FUT2: variants seen among roughly 807,000 people sequenced by gnomAD.
FUT2 encodes galactoside alpha-(1,2)-fucosyltransferase 2.
For missense variants in FUT2, 419 were observed against 465.8 expected (o/e 0.90, Z 0.93); for synonymous variants, 182 against 193.1 (o/e 0.94, Z 0.48).
chr19:48,697,659 T>C (rs1032066323), intron 1 of FUT2, among the ~76,000 whole-genome samples: 2 of 152,102 alleles, frequency 1.3e-5, no homozygotes, highest in Admixed American at 1.3e-4. Context: ...TTTCCCTTTG[T>C]GCCCACGCAG....
Position 48,703,576 on chromosome 19 carries a change from A to G in FUT2, c.620A>G (p.His207Arg), listed in dbSNP as rs2032571546. ...CATGTTCGCCGAGGGGACTATGTCCATGTCATGCCAAAAGTGTGGAAGGGG... is the reference window on the plus strand; with the variant it reads ...CATGTTCGCCGAGGGGACTATGTCCGTGTCATGCCAAAAGTGTGGAAGGGG... ...GVHVRRGDYV[H>R]VMPKVWKGVV... is the part of the protein sequence containing the mutation. The change falls in exon 2 of 2, where the codon CAT (histidine) becomes CGT (arginine). Residue 207 changes from histidine (H) to arginine (R), a missense_variant. By Grantham distance (29) the His-to-Arg change is conservative. Coordinates refer to ENST00000425340, the MANE Select transcript of FUT2 (RefSeq NM_000511.6). 6.2e-7 allele frequency: 1 copy of G among 1,613,426 alleles called. No individual in the cohort carries two copies. The highest frequency in any genetic ancestry group is 8.5e-7 in the Non-Finnish European group (1 of 1,180,020).
In FUT2 at chr19:48,703,951, G is replaced by A; in HGVS notation, c.995G>A (p.Gly332Glu). The change falls in exon 2 of 2, where the codon GGG (glycine) becomes GAG (glutamate). Residue 332 changes from glycine to glutamate, a missense_variant. Physicochemically the swap from Gly to Glu is moderately conservative, Grantham distance 98. Transcript: ENST00000425340. ...PEAAFLPEWTGIAADLSPLLK... is the reference protein window; with the variant it reads ...PEAAFLPEWTEIAADLSPLLK... ...GCAGCCTTCCTGCCGGAGTGGACAG[G>A]GATTGCCGCAGACCTGTCCCCCTTA... The A allele has an allele frequency of 6.2e-7, 1 of 1,613,466 alleles. No homozygotes were observed. The highest frequency in any genetic ancestry group is 8.5e-7 in the Non-Finnish European group (1 of 1,179,976).
In FUT2 at chr19:48,703,443, G is replaced by T. The variant is rs1290251228; in HGVS notation, c.487G>T (p.Glu163Ter). ...SWTFYHHLRQ[E>*]ILQEFTLHDH... ...GACCTTCTACCACCACCTCCGCCAG[G>T]AGATCCTCCAGGAGTTCACCCTGCA... is the stretch of plus-strand genomic sequence containing the variant. Residue 163 changes from glutamate (E) to a stop codon, truncating the protein, a stop_gained, in exon 2 of 2, where the codon GAG becomes TAG. Transcript: ENST00000425340. LOFTEE classifies it low-confidence loss of function (END_TRUNC). 1 of 1,612,800 alleles carries T rather than the reference G, an allele frequency of 6.2e-7. No individual in the cohort carries two copies. Among genetic ancestry groups the T allele is most frequent in the Non-Finnish European group, 8.5e-7 (1 of 1,179,960 alleles).
Position 48,704,760 on chromosome 19 carries a change from C to T in FUT2, c.*772C>T, listed in dbSNP as rs1022672266. The T allele has an allele frequency of 1.2e-5, 5 of 413,354 alleles. No individual in the cohort carries two copies. Among genetic ancestry groups the T allele is most frequent in the Admixed American group, 4.4e-5 (1 of 22,710 alleles). 25.6% of individuals were successfully genotyped at this position (413,354 alleles called of 1,614,324 possible). The stretch of plus-strand genomic sequence containing the variant: ...CCTTCCAGCAATTTCCCCCCAACTC[C>T]GATGGGTAGGAATTGTCACATACCC... On this transcript the variant is annotated 3_prime_UTR_variant, in exon 2 of 2. Coordinates refer to ENST00000425340, the MANE Select transcript of FUT2 (RefSeq NM_000511.6).
rs370139701 is a variant in FUT2 at position 48,703,150 on chromosome 19, C to A, written c.194C>A (p.Thr65Lys). The change falls in exon 2 of 2, where the codon ACG becomes AAG. Residue 65 changes from threonine to lysine, a missense_variant. Physicochemically the swap from Thr to Lys is moderately conservative, Grantham distance 78. Coordinates refer to ENST00000425340, the MANE Select transcript of FUT2 (RefSeq NM_000511.6). ...LGPSQLRGMW[T>K]INAIGRLGNQ... ...CCCAGCCAGCTCAGGGGGATGTGGA[C>A]GATCAATGCAATAGGCCGCCTGGGG... 4 of 1,613,484 alleles carry A rather than the reference C, an allele frequency of 2.5e-6. 1 individual carries two copies. In the East Asian group the frequency reaches 6.7e-5, roughly 27 times the overall value.
chr19:48,697,483 C>T (rs1283816605), intron 1 of FUT2, among the ~76,000 whole-genome samples: 1 of 151,014 alleles, frequency 6.6e-6, no homozygotes, highest in Non-Finnish European at 1.5e-5. Context: ...TCAGTGTGGG[C>T]CACATAGCAA....
At chr19:48,698,780 G>A (rs2032458959) in intron 1 of FUT2, among the ~76,000 whole-genome samples, 1 of 151,776 alleles carries the variant, frequency 6.6e-6, no homozygotes, top group African/African-American at 2.4e-5. Context: ...CTCACTATGT[G>A]GTCCAGGCTG....
chr19:48,705,244 A>G lies in FUT2; in HGVS notation c.*1256A>G, dbSNP rs507855. Reference sequence around the variant, plus strand: ...TCCTGCCTCAGCCTCCCGAGTAGCTAGGATTACAGGTGCGTGCCACCACGC... The same window carrying G: ...TCCTGCCTCAGCCTCCCGAGTAGCTGGGATTACAGGTGCGTGCCACCACGC... On this transcript the variant is annotated 3_prime_UTR_variant, in exon 2 of 2. Transcript: ENST00000425340. 0.47 allele frequency: 71,857 copies of G among 153,240 alleles called. 17,950 individuals are homozygous for G. Among genetic ancestry groups the G allele is most frequent in the Middle Eastern group, 0.58 (175 of 300 alleles). The allele number at this position is 153,240 out of a possible 1,614,324, so 9.5% of individuals were successfully genotyped here.
intron 1 of FUT2, 47 bp from the exon 2 acceptor site, chr19:48,702,907 CG>C: frequency 6.3e-7 from 1 of 1,589,292 alleles, no homozygotes. Flanking sequence ...ACCAGCGCCC[CG>C]GGCCTCCATC....
chr19:48,703,246 C>G lies in FUT2; in HGVS notation c.290C>G (p.Ala97Gly). ...AACGGGCGGCCCGCCTTCATCCCGG[C>G]CCAGATGCACAGCACCCTGGCCCCC... ...KMNGRPAFIP[A>G]QMHSTLAPIF... is the part of the protein sequence containing the mutation. Residue 97 changes from alanine (A) to glycine (G), a missense_variant, in exon 2 of 2, where the codon GCC becomes GGC. Transcript: ENST00000425340. 1 of 1,613,086 alleles carries G rather than the reference C, an allele frequency of 6.2e-7. No homozygotes were observed. The highest frequency in any genetic ancestry group is 8.5e-7 in the Non-Finnish European group (1 of 1,180,016).
rs376227844 is a variant in FUT2, at chr19:48,703,018, C to T, written c.62C>T (p.Thr21Met). The T allele has an allele frequency of 3.1e-5, 50 of 1,613,024 alleles. No individual in the cohort carries two copies. In the East Asian group the frequency reaches 4.2e-4, roughly 14 times the overall value. Reference protein sequence around the residue: ...PMAHFILFVFTVSTIFHVQQR... With the variant: ...PMAHFILFVFMVSTIFHVQQR... ...GCCCACTTCATCCTCTTTGTCTTTA[C>T]GGTTTCCACTATATTTCACGTTCAG... The change falls in exon 2 of 2, where the codon ACG becomes ATG. Residue 21 changes from threonine to methionine, a missense_variant. Transcript: ENST00000425340.
At chr19:48,702,477 CAT>C (rs978120801) in intron 1 of FUT2, among the ~76,000 whole-genome samples, 1 of 151,850 alleles carries the variant, frequency 6.6e-6, no homozygotes, top group Non-Finnish European at 1.5e-5. Flanking sequence ...TATATATATA[CAT>C]ATATATGTAT....
At chr19:48,699,602 G>A (rs16982241) in intron 1 of FUT2, among the ~76,000 whole-genome samples, 27,014 of 151,982 alleles carry the variant, frequency 0.18, 2,664 homozygotes, top group African/African-American at 0.26. Flanking sequence ...AGCCTAAAAC[G>A]AACAGCATTC....
intron 1 of FUT2, among the ~76,000 whole-genome samples, chr19:48,697,993 CTTTTTTTT>C (rs1023815002): frequency 3.4e-5 from 3 of 88,132 alleles, no homozygotes; most frequent in African/African-American, 1.3e-4. Context: ...TGCACTGGCT[CTTTTTTTT>C]TTTTTTTTTT....
At chr19:48,699,840 G>A (rs1040922622) in intron 1 of FUT2, among the ~76,000 whole-genome samples, 1 of 151,962 alleles carries the variant, frequency 6.6e-6, no homozygotes, top group Non-Finnish European at 1.5e-5. Flanking sequence ...CTTTTGTAGT[G>A]ATGAGAAAGG....
intron 1 of FUT2, among the ~76,000 whole-genome samples, chr19:48,698,722 C>T (rs554549059): frequency 4.0e-4 from 61 of 152,034 alleles, no homozygotes; most frequent in Admixed American, 2.6e-3. Flanking sequence ...GAATTACAGG[C>T]GTGAGCCACT....
chr19:48,700,735 G>A (rs60686256), intron 1 of FUT2, among the ~76,000 whole-genome samples: 27,789 of 151,914 alleles, frequency 0.18, 2,813 homozygotes, highest in African/African-American at 0.26. Context: ...AAAGAGGCTC[G>A]TTCTTGTCTT....
At chr19:48,700,349 C>T (rs1429469185) in intron 1 of FUT2, among the ~76,000 whole-genome samples, 17 of 148,904 alleles carry the variant, frequency 1.1e-4, no homozygotes, top group Admixed American at 2.0e-4. Context: ...TTTTTTGAGA[C>T]GGAGTCTCGC....
chr19:48,697,751 A>G (rs1484838697), intron 1 of FUT2, among the ~76,000 whole-genome samples: 2 of 151,908 alleles, frequency 1.3e-5, no homozygotes, highest in East Asian at 3.9e-4. Flanking sequence ...CTGGCATGCA[A>G]TGGTACAATC....
Sources: gnomAD v4.1 joint callset for allele counts (sites outside exome capture counted in the v4.1 genomes callset) on GRCh38, gnomAD v4.1.1 for gene constraint, MANE v1.5 for transcripts, NCBI Gene and HGNC (gene_info 2026-07-23, HGNC 2026-07-21) for gene names.